BCL11A: variants seen among roughly 807,000 people sequenced by gnomAD.
The protein encoded by BCL11A is BCL11 transcription factor A.
Under a neutral mutation model 55.9 loss-of-function variants are expected in BCL11A, and 2 were observed. The ratio of observed to expected loss-of-function variants is 0.04; its 90% CI spans 0.01 to 0.11. The LOEUF (loss-of-function observed/expected upper bound fraction) is 0.11, where lower values mean the gene tolerates loss of function less well. BCL11A is among the 10% of genes least tolerant of loss of function. The probability of loss-of-function intolerance (pLI) is 1.00; values close to 1 mark genes in which losing one functional copy is unlikely to be tolerated. For missense variants in BCL11A, 817 were observed against 1,137.1 expected (o/e 0.72, Z 4.05); for synonymous variants, 465 against 473.4 (o/e 0.98, Z 0.23).
At chr2:60,502,159 G>A (rs10184550) in intron 2 of BCL11A, among the ~76,000 whole-genome samples, 83,669 of 152,020 alleles carry the variant, frequency 0.55, 24,251 homozygotes, top group African/African-American at 0.69. Flanking sequence ...AGAATGATAT[G>A]AATATTTGTA....
At position 60,459,984 on chromosome 2, in the gene BCL11A, G is replaced by T. The variant is rs185460868; in HGVS notation, c.*420C>A. On this transcript the variant is annotated 3_prime_UTR_variant, in exon 4 of 4. Transcript: ENST00000642384. ...AGAACGGAACTGGAAACAGCAACAT[G>T]TTTGCTCAGCAACGAATTAGGGACA... 13 of 1,067,288 alleles carry T rather than the reference G, an allele frequency of 1.2e-5. No homozygotes were observed. The African/African-American group carries it at 2.0e-4, about 16-fold the overall frequency. 66.1% of individuals were successfully genotyped at this position (1,067,288 alleles called of 1,614,324 possible).
intron 2 of BCL11A, among the ~76,000 whole-genome samples, chr2:60,492,686 T>C (rs558229017): frequency 6.6e-6 from 1 of 152,260 alleles, no homozygotes; most frequent in South Asian, 2.1e-4. Flanking sequence ...CAAAGGGCAT[T>C]CTCATTTCCC....
chr2:60,516,276 C>G (rs1668724371), intron 2 of BCL11A, among the ~76,000 whole-genome samples: 1 of 152,228 alleles, frequency 6.6e-6, no homozygotes, highest in African/African-American at 2.4e-5. Context: ...CAATGACCCA[C>G]TCCTATTATT....
chr2:60,540,856 G>A (rs1330079557), intron 2 of BCL11A, among the ~76,000 whole-genome samples: 1 of 152,042 alleles, frequency 6.6e-6, no homozygotes, highest in African/African-American at 2.4e-5. Flanking sequence ...AGAGAAAGGT[G>A]TGCAAAACAT....
intron 2 of BCL11A, among the ~76,000 whole-genome samples, chr2:60,538,761 G>C (rs931109041): frequency 7.0e-4 from 106 of 151,716 alleles, no homozygotes; most frequent in Non-Finnish European, 1.0e-3. Flanking sequence ...GTGTGTGTGT[G>C]TGTGTGTGTG....
Position 60,458,956 on chromosome 2 carries a change from A to T in BCL11A, c.*1448T>A. The T allele has an allele frequency of 2.9e-6, 3 of 1,033,650 alleles. No individual in the cohort carries two copies. Among genetic ancestry groups the T allele is most frequent in the Non-Finnish European group, 3.5e-6 (3 of 858,512 alleles). 64.0% of individuals were successfully genotyped at this position (1,033,650 alleles called of 1,614,324 possible). A position where few individuals can be genotyped will look rare whatever the true frequency, so the allele number is the denominator to read the frequency against. The stretch of plus-strand genomic sequence containing the variant: ...GGAAAAGAAATGAAGTACAACTTTT[A>T]GGGAGCACAGACATATATACTGCTA... On this transcript the variant is annotated 3_prime_UTR_variant, in exon 4 of 4. Coordinates refer to ENST00000642384, the MANE Select transcript of BCL11A (RefSeq NM_022893.4).
intron 2 of BCL11A, chr2:60,538,023 C>T (rs922146033): frequency 6.6e-6 from 1 of 152,214 alleles, no homozygotes; most frequent in African/African-American, 2.4e-5. Context: ...CCCCAGGTAT[C>T]CCCTTCATCA....
chr2:60,466,675 T>TG (rs1401729754), intron 3 of BCL11A, among the ~76,000 whole-genome samples: 1 of 152,236 alleles, frequency 6.6e-6, no homozygotes, highest in Non-Finnish European at 1.5e-5. Context: ...ATTTACAAGA[T>TG]GGGTAAGTGT....
intron 3 of BCL11A, among the ~76,000 whole-genome samples, chr2:60,462,868 G>A (rs1676393594): frequency 6.6e-6 from 1 of 152,170 alleles, no homozygotes. Context: ...CTAAATCCCA[G>A]CTTTCTATTC....
At chr2:60,478,550 T>C (rs1677765307) in intron 2 of BCL11A, among the ~76,000 whole-genome samples, 1 of 152,232 alleles carries the variant, frequency 6.6e-6, no homozygotes, top group South Asian at 2.1e-4. Context: ...GCCAAGAGAT[T>C]CTGAGAACCA....
chr2:60,510,504 C>G (rs966581115), intron 2 of BCL11A, among the ~76,000 whole-genome samples: 2 of 152,186 alleles, frequency 1.3e-5, no homozygotes, highest in South Asian at 4.1e-4. Context: ...GCACCCCTTA[C>G]CCCTCTTCCC....
chr2:60,494,138 C>T (rs1678810017), intron 2 of BCL11A, among the ~76,000 whole-genome samples: 1 of 152,172 alleles, frequency 6.6e-6, no homozygotes, highest in Admixed American at 6.5e-5. Flanking sequence ...TGAGGCACAC[C>T]TACATTACTT....
intron 3 of BCL11A, among the ~76,000 whole-genome samples, chr2:60,467,138 T>TAC (rs1676687968): frequency 3.7e-4 from 23 of 61,800 alleles, no homozygotes; most frequent in African/African-American, 1.5e-3. Flanking sequence ...GATGGTGGTG[T>TAC]TGGTGGTGAT....
chr2:60,542,285 C>T (rs1258887201), intron 2 of BCL11A: 1 of 165,030 alleles, frequency 6.1e-6, no homozygotes, highest in Admixed American at 6.4e-5. Flanking sequence ...TTAAAGATTC[C>T]TATGTGCAAT....
intron 2 of BCL11A, chr2:60,535,444 C>T (rs1191449377): frequency 6.6e-6 from 1 of 152,202 alleles, no homozygotes; most frequent in Non-Finnish European, 1.5e-5. Flanking sequence ...TATCTCTAAA[C>T]ATGGTAATTT....
intron 3 of BCL11A, 70 bp from the exon 4 acceptor site, chr2:60,462,494 G>A: frequency 6.5e-7 from 1 of 1,540,856 alleles, no homozygotes; most frequent in Non-Finnish European, 8.7e-7. Context: ...GCTTATTTAT[G>A]TTCCACCTCC....
At chr2:60,467,772 A>T (rs371155325) in intron 3 of BCL11A, among the ~76,000 whole-genome samples, 134 of 16,834 alleles carry the variant, frequency 8.0e-3, no homozygotes, top group Middle Eastern at 0.029. Flanking sequence ...GTGGTGGTGG[A>T]GATGGTGGTG....
intron 3 of BCL11A, among the ~76,000 whole-genome samples, chr2:60,467,261 G>A (rs1391223177): frequency 3.6e-5 from 4 of 111,582 alleles, no homozygotes; most frequent in African/African-American, 1.1e-4. Context: ...AATGGTGGTG[G>A]TGGTGATGGT....
At chr2:60,527,073 T>C (rs1465174111) in intron 2 of BCL11A, 2 of 152,268 alleles carry the variant, frequency 1.3e-5, no homozygotes, top group East Asian at 1.9e-4. Context: ...TCGATATTTA[T>C]TGTAGCTTTG....
Sources: allele counts gnomAD v4.1 joint callset (sites outside exome capture counted in the v4.1 genomes callset), GRCh38; gene constraint gnomAD v4.1.1; transcripts MANE v1.5; gene names NCBI Gene and HGNC (gene_info 2026-07-23, HGNC 2026-07-21).